TMEM150C: variants seen among roughly 807,000 people sequenced by gnomAD.
TMEM150C encodes transmembrane protein 150C.
A neutral mutation model predicts 29.9 loss-of-function variants in TMEM150C; 10 were observed. The observed-to-expected ratio is 0.33, with a 90% CI of 0.21 to 0.57. The LOEUF is 0.57. Among genes scored for constraint, TMEM150C ranks in the 20% least tolerant of loss-of-function variants. The pLI, the probability that TMEM150C is intolerant of heterozygous loss-of-function variation, is 0.88. For missense variants in TMEM150C, 251 were observed against 303.6 expected, an observed-to-expected ratio of 0.83 and a Z score of 1.29; for synonymous variants, 101 against 112.5, an observed-to-expected ratio of 0.90 and a Z score of 0.64.
chr4:82,490,399 G>A (rs1303488642), intron 6 of TMEM150C, among the ~76,000 whole-genome samples, 161 bp from the exon 7 acceptor site: 2 of 152,168 alleles, frequency 1.3e-5, no homozygotes, highest in Non-Finnish European at 2.9e-5. Flanking sequence ...TTCTCAAATG[G>A]TTTGAACTCT....
chr4:82,502,864 C>T lies in TMEM150C; in HGVS notation c.167+31G>A, dbSNP rs773065358. On this transcript the variant is annotated intron_variant, in intron 4 of 7. Transcript: ENST00000449862. The stretch of plus-strand genomic sequence containing the variant: ...TAATCCTCCTAACTTTTCCTACGGT[C>T]CCACAGGACAGAAGAGAATTGCTGG... 3 of 1,596,626 alleles carry T rather than the reference C, an allele frequency of 1.9e-6. No individual in the cohort carries two copies. In the African/African-American group the frequency reaches 4.0e-5, roughly 21 times the overall value.
In TMEM150C at chr4:82,557,547, C is replaced by A. The variant is rs190508012; in HGVS notation, c.-11+4359G>T. Among the ~76,000 whole-genome samples, 281 of 152,166 alleles carry A rather than the reference C, an allele frequency of 1.8e-3. 4 individuals are homozygous for A. Among genetic ancestry groups the A allele is most frequent in the Non-Finnish European group, 7.9e-4 (54 of 68,004 alleles). ...ACATGATCTGTAATGTGCAAAAGAG[C>A]AAATAAGCCCAAGTTCATGAACACC... On this transcript the variant is annotated intron_variant, in intron 1 of 7. Coordinates refer to ENST00000449862, the MANE Select transcript of TMEM150C (RefSeq NM_001080506.3).
intron 1 of TMEM150C, among the ~76,000 whole-genome samples, chr4:82,506,905 A>T (rs78097499): frequency 6.6e-6 from 1 of 152,190 alleles, no homozygotes; most frequent in Non-Finnish European, 1.5e-5. Flanking sequence ...AGGGTCCTCA[A>T]ATAGGATGAG....
At chr4:82,523,979 G>A (rs1724572204) in intron 1 of TMEM150C, among the ~76,000 whole-genome samples, 1 of 150,354 alleles carries the variant, frequency 6.7e-6, no homozygotes, top group African/African-American at 2.4e-5. Flanking sequence ...ACTACACCTG[G>A]CCTCAAATAA....
intron 5 of TMEM150C, among the ~76,000 whole-genome samples, chr4:82,497,441 T>G (rs1723593434): frequency 6.6e-6 from 1 of 152,208 alleles, no homozygotes; most frequent in Non-Finnish European, 1.5e-5. Flanking sequence ...AAAGAAAATC[T>G]ATCCATAAAT....
intron 1 of TMEM150C, among the ~76,000 whole-genome samples, chr4:82,516,448 T>C (rs567979511): frequency 6.6e-6 from 1 of 152,262 alleles, no homozygotes; most frequent in Non-Finnish European, 1.5e-5. Flanking sequence ...AGCTGGGTGA[T>C]ACTGTACACA....
chr4:82,499,119 TA>T (rs1420011416), intron 5 of TMEM150C, among the ~76,000 whole-genome samples: 1 of 152,206 alleles, frequency 6.6e-6, no homozygotes, highest in Non-Finnish European at 1.5e-5. Flanking sequence ...ACAGTTTTAC[TA>T]ACACTTAGGT....
Position 82,508,700 on chromosome 4 carries a change from A to T in TMEM150C, c.-10-4033T>A, listed in dbSNP as rs10002527. On this transcript the variant is annotated intron_variant, in intron 1 of 7. Transcript: ENST00000449862. ...AGGCTAGTCTCGAATTCCTGACCTCAGGTGATCAACCTGCCTTGGCCTCCC... is the reference window on the plus strand; with the variant it reads ...AGGCTAGTCTCGAATTCCTGACCTCTGGTGATCAACCTGCCTTGGCCTCCC... 9.3e-3 allele frequency among the ~76,000 whole-genome samples: 1,413 copies of T among 152,268 alleles called. 19 individuals carry two copies. Among genetic ancestry groups the T allele is most frequent in the African/African-American group, 0.032 (1,349 of 41,530 alleles).
intron 1 of TMEM150C, among the ~76,000 whole-genome samples, chr4:82,552,302 A>G (rs955676028): frequency 4.6e-5 from 7 of 152,260 alleles, no homozygotes; most frequent in African/African-American, 1.7e-4. Flanking sequence ...ATGTTTTTGA[A>G]TACATAAGTA....
intron 1 of TMEM150C, 66 bp downstream of exon 1, chr4:82,561,840 G>A: frequency 1.0e-6 from 1 of 971,956 alleles, no homozygotes; most frequent in Non-Finnish European, 1.2e-6. Context: ...GGCTGCGCAC[G>A]GGGCCGGGCC....
At chr4:82,486,188 A>G (rs953421912) in intron 7 of TMEM150C, among the ~76,000 whole-genome samples, 1 of 152,082 alleles carries the variant, frequency 6.6e-6, no homozygotes, top group Non-Finnish European at 1.5e-5. Context: ...AGCTGCTTAC[A>G]AAACTGGGAG....
At chr4:82,537,140 C>G (rs1192207367) in intron 1 of TMEM150C, among the ~76,000 whole-genome samples, 1 of 152,078 alleles carries the variant, frequency 6.6e-6, no homozygotes, top group African/African-American at 2.4e-5. Context: ...AGCCACCACA[C>G]CCGGCTAATT....
At chr4:82,536,687 A>G (rs1329502239) in intron 1 of TMEM150C, among the ~76,000 whole-genome samples, 1 of 152,058 alleles carries the variant, frequency 6.6e-6, no homozygotes, top group Non-Finnish European at 1.5e-5. Flanking sequence ...GACCAGCCTG[A>G]GCAATATAGC....
rs1461467677 is a variant in TMEM150C at position 82,561,949 on chromosome 4, A to T, written c.-54T>A. ...GCCGCTGTCGCCTCGAGGGGCTGTG[A>T]CCTGCTGCGGTGGCGGCGGCGGCAG... On this transcript the variant is annotated 5_prime_UTR_variant, in exon 1 of 8. Transcript: ENST00000449862. 1 of 1,101,874 alleles carries T rather than the reference A, an allele frequency of 9.1e-7. No homozygotes were observed. The highest frequency in any genetic ancestry group is 1.1e-6 in the Non-Finnish European group (1 of 899,174). 68.3% of individuals were successfully genotyped at this position (1,101,874 alleles called of 1,614,324 possible).
At chr4:82,548,817 C>A (rs1725468883) in intron 1 of TMEM150C, among the ~76,000 whole-genome samples, 1 of 152,196 alleles carries the variant, frequency 6.6e-6, no homozygotes, top group African/African-American at 2.4e-5. Context: ...GGTGAGGAGG[C>A]ACTGCATGCA....
In TMEM150C at chr4:82,542,628, C is replaced by A. The variant is rs551709619; in HGVS notation, c.-11+19278G>T. ...CACACATCAAACCATGGTTATTTAACATTGTCTTAAAAATTTGTAATGCAT... is the reference window on the plus strand; with the variant it reads ...CACACATCAAACCATGGTTATTTAAAATTGTCTTAAAAATTTGTAATGCAT... On this transcript the variant is annotated intron_variant, in intron 1 of 7. Transcript: ENST00000449862. Among the ~76,000 whole-genome samples the A allele has an allele frequency of 3.3e-5, 5 of 152,304 alleles. No homozygotes were observed. In the East Asian group the frequency reaches 9.6e-4, roughly 29 times the overall value.
At chr4:82,538,278 G>A (rs527697106) in intron 1 of TMEM150C, among the ~76,000 whole-genome samples, 5 of 151,988 alleles carry the variant, frequency 3.3e-5, no homozygotes, top group Admixed American at 6.6e-5. Flanking sequence ...GGCTGATCTC[G>A]AACTCCTGAC....
intron 6 of TMEM150C, chr4:82,494,681 G>T (rs2110064892): frequency 4.8e-6 from 1 of 207,134 alleles, no homozygotes; most frequent in South Asian, 7.6e-5. Flanking sequence ...ATAGGCATAT[G>T]TAACACCCTC....
At chr4:82,553,827 C>T (rs189311683) in intron 1 of TMEM150C, among the ~76,000 whole-genome samples, 151 of 152,228 alleles carry the variant, frequency 9.9e-4, no homozygotes, top group African/African-American at 1.2e-3. Context: ...TATCATTCTG[C>T]GAATCAGTTA....
Sources: gnomAD v4.1 joint callset for allele counts (sites outside exome capture counted in the v4.1 genomes callset) on GRCh38, gnomAD v4.1.1 for gene constraint, MANE v1.5 for transcripts, NCBI Gene and HGNC (gene_info 2026-07-23, HGNC 2026-07-21) for gene names.